Variants in RBM4 observed in about 807,000 individuals in gnomAD.
RBM4 encodes the protein RNA-binding protein 4.
RBM4 carries 7 observed loss-of-function variants against 29.5 expected under a neutral mutation model. That is an observed-to-expected ratio of 0.24 (90% CI 0.14 to 0.45). The LOEUF (loss-of-function observed/expected upper bound fraction) is 0.45. RBM4 is among the 20% of genes least tolerant of loss of function. The pLI, the probability that RBM4 is intolerant of heterozygous loss-of-function variation, is 1.00. For missense variants in RBM4, 387 were observed against 502.3 expected (o/e 0.77, Z 2.19); for synonymous variants, 220 against 205.4 (o/e 1.07, Z -0.61).
intron 2 of RBM4, chr11:66,652,499 TG>T (rs2135080876): frequency 6.6e-6 from 1 of 152,248 alleles, no homozygotes; most frequent in South Asian, 2.1e-4. Flanking sequence ...CTGGGGAAGG[TG>T]GGGCCAGGGG....
rs368043478 is a variant in RBM4, at chr11:66,646,319, CCCTGCCT to C, written c.*314_*320del. The C allele has an allele frequency of 5.3e-4, 692 of 1,302,430 alleles. No individual in the cohort carries two copies. The African/African-American group carries it at 6.4e-3, about 12-fold the overall frequency. The allele number at this position is 1,302,430 out of a possible 1,614,324, so 80.7% of individuals were successfully genotyped here. On this transcript the variant is annotated 3_prime_UTR_variant, in exon 4 of 4. Coordinates refer to ENST00000310092, the MANE Select transcript of RBM4 (RefSeq NM_002896.4). ...TGTGGTGGGGGCTGTGCTGTCTCCTCCCTGCCTCCTGCCTCCTGCGGCTGTTGGATTT... is the reference window on the plus strand; with the variant it reads ...TGTGGTGGGGGCTGTGCTGTCTCCTCCCTGCCTCCTGCGGCTGTTGGATTT...
At chr11:66,663,215 CT>C (rs1939118302) in intron 2 of RBM4, among the ~76,000 whole-genome samples, 3 of 152,280 alleles carry the variant, frequency 2.0e-5, no homozygotes, top group Admixed American at 2.0e-4. Flanking sequence ...AGAAGACATA[CT>C]TTACTGCAAA....
At position 66,639,924 on chromosome 11, in the gene RBM4, G is replaced by A. The variant is rs912280278; in HGVS notation, c.213G>A (p.Lys71=). Residue 71 remains lysine (K), a synonymous_variant, in exon 2 of 4, where the codon AAG becomes AAA. Coordinates refer to ENST00000310092, the MANE Select transcript of RBM4 (RefSeq NM_002896.4). ...HGVNINVEAS[K]NKSKTSTKLH... is the part of the protein sequence containing the mutation. ...TGAACATCAACGTGGAAGCCAGCAAGAATAAGAGCAAAACCTCAACAAAGT... is the reference window on the plus strand; with the variant it reads ...TGAACATCAACGTGGAAGCCAGCAAAAATAAGAGCAAAACCTCAACAAAGT... 1 of 1,614,090 alleles carries A rather than the reference G, an allele frequency of 6.2e-7. No homozygotes were observed. The highest frequency in any genetic ancestry group is 1.3e-5 in the African/African-American group (1 of 74,916).
At chr11:66,644,699 C>T in intron 3 of RBM4, 1 of 983,180 alleles carries the variant, frequency 1.0e-6, no homozygotes, top group African/African-American at 1.7e-5. Context: ...TTCTGACATT[C>T]CTGAACCGTT....
At chr11:66,638,854 C>T (rs977195636) in intron 1 of RBM4, 102 bp downstream of exon 1, 6 of 152,428 alleles carry the variant, frequency 3.9e-5, no homozygotes, top group Non-Finnish European at 7.3e-5. Flanking sequence ...AGTCTCCACA[C>T]CCGTCACTGA....
At chr11:66,650,836 C>G (rs969616864), downstream of RBM4, among the ~76,000 whole-genome samples, 1 of 152,038 alleles carries the variant, frequency 6.6e-6, no homozygotes, top group African/African-American at 2.4e-5. Context: ...GCACTCCAGC[C>G]GGGGCAACAG....
downstream of RBM4, chr11:66,649,815 G>A: frequency 4.3e-6 from 3 of 697,872 alleles, no homozygotes; most frequent in East Asian, 2.7e-5. Context: ...GAGCTCAAGG[G>A]ATCCTCCCGC....
At chr11:66,658,473 C>G (rs1939003896) in intron 2 of RBM4, among the ~76,000 whole-genome samples, 1 of 150,772 alleles carries the variant, frequency 6.6e-6, no homozygotes, top group Non-Finnish European at 1.5e-5. Context: ...AAACATCCTC[C>G]AATGCACAGG....
In RBM4 at chr11:66,641,845, CTA is replaced by C. The variant is rs754418135; in HGVS notation, c.413-1603_413-1602del. Among the ~76,000 whole-genome samples, 89 of 152,228 alleles carry C rather than the reference CTA, an allele frequency of 5.8e-4. 1 individual carries two copies. Among genetic ancestry groups the C allele is most frequent in the Non-Finnish European group, 8.7e-4 (59 of 68,010 alleles). ...CGTTTCTCAGTGTTGGGTATCTTCT[CTA>C]TTGCTTGCCCACTTAAAATCTCTTT... On this transcript the variant is annotated intron_variant, in intron 2 of 3. Transcript: ENST00000310092.
chr11:66,652,601 AT>A (rs1208590047), intron 2 of RBM4, among the ~76,000 whole-genome samples: 1 of 152,220 alleles, frequency 6.6e-6, no homozygotes, highest in Non-Finnish European at 1.5e-5. Context: ...GTCAAGCCAG[AT>A]TATGATGGCT....
intron 1 of RBM4, chr11:66,639,435 C>G: frequency 2.1e-6 from 1 of 487,146 alleles, no homozygotes. Flanking sequence ...ATGCCCATTT[C>G]TGTTGGAAGG....
intron 2 of RBM4, among the ~76,000 whole-genome samples, chr11:66,642,838 T>A (rs989672698): frequency 3.9e-5 from 6 of 152,202 alleles, no homozygotes; most frequent in Non-Finnish European, 7.3e-5. Flanking sequence ...AAGGGCCCAG[T>A]TAAGGGAGAA....
rs560706143 is a variant in RBM4, at chr11:66,658,422, T to C, written c.413-7434T>C. 4.0e-5 allele frequency among the ~76,000 whole-genome samples: 6 copies of C among 148,392 alleles called. 1 individual carries two copies. The highest frequency in any genetic ancestry group is 2.5e-5 in the African/African-American group (1 of 40,568). ...AGAGATTCCCTGAAATCATTGTTAA[T>C]TGTCACAATTTAGGGGGTTTCTCCC... On this transcript the variant is annotated intron_variant, in intron 2 of 2. Coordinates refer to the RBM4 transcript ENST00000396053.
chr11:66,657,404 C>T (rs1189987341), intron 2 of RBM4, among the ~76,000 whole-genome samples: 2 of 151,612 alleles, frequency 1.3e-5, no homozygotes, highest in Admixed American at 6.6e-5. Context: ...AAGATTAGGC[C>T]GGGCGCGGTG....
At position 66,639,865 on chromosome 11, in the gene RBM4, A is replaced by G. The variant is rs759775235; in HGVS notation, c.154A>G (p.Ile52Val). The G allele has an allele frequency of 5.0e-6, 8 of 1,614,060 alleles. No homozygotes were observed. Among genetic ancestry groups the G allele is most frequent in the Non-Finnish European group, 2.5e-6 (3 of 1,180,040 alleles). ...IEDKTAAEDAIRNLHHYKLHG... is the reference protein window; with the variant it reads ...IEDKTAAEDAVRNLHHYKLHG... ...AGACAAGACGGCAGCTGAGGATGCC[A>G]TACGCAACCTGCACCATTACAAGCT... is the stretch of plus-strand genomic sequence containing the variant. Residue 52 changes from isoleucine (I) to valine (V), a missense_variant, in exon 2 of 4, where the codon ATA (isoleucine) becomes GTA (valine). Ile to Val is a conservative substitution (Grantham distance 29). Coordinates refer to ENST00000310092, the MANE Select transcript of RBM4 (RefSeq NM_002896.4).
At chr11:66,648,607 G>T (rs1257896061), downstream of RBM4, among the ~76,000 whole-genome samples, 2 of 152,096 alleles carry the variant, frequency 1.3e-5, no homozygotes, top group African/African-American at 4.8e-5. Flanking sequence ...CTGAGATCAG[G>T]AGTTCGAGAC....
At chr11:66,656,631 A>G (rs1001397838) in intron 2 of RBM4, among the ~76,000 whole-genome samples, 1 of 152,022 alleles carries the variant, frequency 6.6e-6, no homozygotes, top group East Asian at 1.9e-4. Flanking sequence ...AATTTGACAC[A>G]TTGTGACAAT....
chr11:66,645,649 T>C (rs1165842579), intron 3 of RBM4, among the ~76,000 whole-genome samples: 3 of 152,182 alleles, frequency 2.0e-5, no homozygotes, highest in Non-Finnish European at 4.4e-5. Context: ...AATTTTTTTT[T>C]TTTAAACCTC....
intron 2 of RBM4, chr11:66,665,287 A>C: frequency 2.3e-6 from 1 of 430,208 alleles, no homozygotes; most frequent in Non-Finnish European, 4.2e-6. Flanking sequence ...TCCTAGGGAA[A>C]GCAAGATAAG....
Sources: gnomAD v4.1 joint callset for allele counts (sites outside exome capture counted in the v4.1 genomes callset) on GRCh38, gnomAD v4.1.1 for gene constraint, MANE v1.5 for transcripts, NCBI Gene and HGNC (gene_info 2026-07-23, HGNC 2026-07-21) for gene names.